SMYD3: variants seen among roughly 807,000 people sequenced by gnomAD.
The protein encoded by SMYD3 is histone-lysine N-methyltransferase SMYD3.
Under a neutral mutation model 57.7 loss-of-function variants are expected in SMYD3, and 36 were observed. The ratio of observed to expected loss-of-function variants is 0.62; its 90% CI spans 0.48 to 0.82. The LOEUF (loss-of-function observed/expected upper bound fraction) is 0.82. SMYD3 is among the 40% of genes least tolerant of loss of function. SMYD3 has a pLI of 0.00. For synonymous variants in SMYD3, 211 were observed against 195.0 expected (o/e 1.08, Z -0.68); for missense variants, 515 against 538.8 (o/e 0.96, Z 0.44).
chr1:245,790,069 T>C (rs1205953136), intron 10 of SMYD3, among the ~76,000 whole-genome samples: 1 of 152,206 alleles, frequency 6.6e-6, no homozygotes, highest in Non-Finnish European at 1.5e-5. Flanking sequence ...AAGGGCCAGA[T>C]ACTGGAAAGT....
intron 5 of SMYD3, among the ~76,000 whole-genome samples, chr1:246,261,105 C>T (rs2064002103): frequency 6.6e-6 from 1 of 152,102 alleles, no homozygotes; most frequent in Non-Finnish European, 1.5e-5. Context: ...GTCACCCAGG[C>T]TGGAGTGCAG....
chr1:246,395,860 C>T lies in SMYD3; in HGVS notation c.165-40766G>A, dbSNP rs116759898. ...CACTGTCAGGGGAGAGGAGCCCGAT[C>T]GCTGCCTCTATGCTCTGCCACCACC... is the stretch of plus-strand genomic sequence containing the variant. On this transcript the variant is annotated intron_variant, in intron 1 of 11. Transcript: ENST00000490107. 6.3e-3 allele frequency among the ~76,000 whole-genome samples: 966 copies of T among 152,320 alleles called. 16 individuals carry two copies. Among genetic ancestry groups the T allele is most frequent in the African/African-American group, 0.022 (904 of 41,570 alleles).
At chr1:246,094,545 T>A (rs1004047303) in intron 5 of SMYD3, among the ~76,000 whole-genome samples, 1 of 152,188 alleles carries the variant, frequency 6.6e-6, no homozygotes, top group African/African-American at 2.4e-5. Context: ...CCAGAGAGCA[T>A]GTCCCCCGCC....
chr1:246,016,122 C>T (rs557064568), intron 5 of SMYD3, among the ~76,000 whole-genome samples: 9 of 152,158 alleles, frequency 5.9e-5, no homozygotes, highest in African/African-American at 1.7e-4. Context: ...TAAGTATCAG[C>T]CAGGCACTCT....
intron 1 of SMYD3, among the ~76,000 whole-genome samples, chr1:246,392,982 A>C (rs184227456): frequency 6.6e-6 from 1 of 152,274 alleles, no homozygotes; most frequent in African/African-American, 2.4e-5. Flanking sequence ...AAAAACAGAG[A>C]ATACAGGTGT....
chr1:246,433,980 C>A (rs560324598), intron 1 of SMYD3, among the ~76,000 whole-genome samples: 5 of 152,268 alleles, frequency 3.3e-5, no homozygotes, highest in Admixed American at 3.3e-4. Flanking sequence ...CACCCACAGG[C>A]ATCTGATCTT....
At chr1:245,758,858 C>T (rs1486621795) in intron 11 of SMYD3, among the ~76,000 whole-genome samples, 3 of 152,132 alleles carry the variant, frequency 2.0e-5, no homozygotes, top group Non-Finnish European at 4.4e-5. Context: ...ATTCCTGGTT[C>T]TTGGCATAGT....
At chr1:246,378,667 A>C (rs2148744650) in intron 1 of SMYD3, among the ~76,000 whole-genome samples, 1 of 128,400 alleles carries the variant, frequency 7.8e-6, no homozygotes, top group East Asian at 2.0e-4. Context: ...ACACACACAT[A>C]TATATATACA....
chr1:245,933,141 A>C (rs759661345), intron 5 of SMYD3, among the ~76,000 whole-genome samples: 2 of 152,238 alleles, frequency 1.3e-5, no homozygotes, highest in African/African-American at 2.4e-5. Flanking sequence ...AAGAATTAAA[A>C]GAATGGAAAT....
chr1:246,095,886 A>G (rs2060904800), intron 5 of SMYD3, among the ~76,000 whole-genome samples: 1 of 152,212 alleles, frequency 6.6e-6, no homozygotes. Context: ...AAAAAATACA[A>G]GAACAGTAAA....
intron 5 of SMYD3, among the ~76,000 whole-genome samples, chr1:246,224,052 C>G (rs2063292989): frequency 1.3e-5 from 2 of 152,136 alleles, no homozygotes; most frequent in African/African-American, 4.8e-5. Flanking sequence ...ATTCTACACA[C>G]AGGTTTCTTT....
chr1:245,784,245 T>C (rs2046948441), intron 10 of SMYD3, among the ~76,000 whole-genome samples: 1 of 152,212 alleles, frequency 6.6e-6, no homozygotes, highest in Non-Finnish European at 1.5e-5. Flanking sequence ...CACTGTACTT[T>C]GGAAAAGCTA....
At chr1:246,006,030 G>GGCAAGAGGAA (rs60694621) in intron 5 of SMYD3, among the ~76,000 whole-genome samples, 79,101 of 151,602 alleles carry the variant, frequency 0.52, 22,550 homozygotes, top group Non-Finnish European at 0.65. Flanking sequence ...ATATTGAAAG[G>GGCAAGAGGAA]GGAGAAAAGG....
chr1:246,220,580 C>T (rs1572232421), intron 5 of SMYD3, among the ~76,000 whole-genome samples: 3 of 152,162 alleles, frequency 2.0e-5, no homozygotes, highest in East Asian at 3.9e-4. Flanking sequence ...ATGCCCACTC[C>T]GACCTGGGAG....
chr1:246,109,232 T>C (rs2061184372), intron 5 of SMYD3, among the ~76,000 whole-genome samples: 2 of 152,190 alleles, frequency 1.3e-5, no homozygotes. Context: ...CAGTTGGAAC[T>C]GTACCATGTT....
At chr1:246,049,924 AAAATATAC>A (rs1197888497) in intron 5 of SMYD3, among the ~76,000 whole-genome samples, 1 of 152,208 alleles carries the variant, frequency 6.6e-6, no homozygotes, top group Non-Finnish European at 1.5e-5. Flanking sequence ...CCACCAAGAT[AAAATATAC>A]AAATTTTTCA....
At chr1:246,248,424 C>G (rs1231407037) in intron 5 of SMYD3, among the ~76,000 whole-genome samples, 1 of 152,116 alleles carries the variant, frequency 6.6e-6, no homozygotes, top group African/African-American at 2.4e-5. Context: ...TGTCTCCCAA[C>G]AGAGACTTTT....
At chr1:246,010,794 T>C (rs1211688503) in intron 5 of SMYD3, among the ~76,000 whole-genome samples, 3 of 152,240 alleles carry the variant, frequency 2.0e-5, no homozygotes, top group Non-Finnish European at 4.4e-5. Context: ...TGTCTATGGA[T>C]ATCTGCGTCA....
intron 1 of SMYD3, among the ~76,000 whole-genome samples, chr1:246,458,835 A>C (rs889710210): frequency 8.5e-5 from 13 of 152,088 alleles, no homozygotes; most frequent in African/African-American, 2.9e-4. Flanking sequence ...ACCTAGTGCC[A>C]GGAACATGTG....
Sources: allele counts gnomAD v4.1 joint callset (sites outside exome capture counted in the v4.1 genomes callset), GRCh38; gene constraint gnomAD v4.1.1; transcripts MANE v1.5; gene names NCBI Gene and HGNC (gene_info 2026-07-23, HGNC 2026-07-21).